The following COP1 variants were observed in gnomAD, a reference collection of about 807,000 sequenced individuals.
The protein encoded by COP1 is COP1 E3 ubiquitin ligase, also known as E3 ubiquitin-protein ligase COP1.
In COP1, 24 loss-of-function variants were observed where a neutral mutation model predicts 101.3. That is an observed-to-expected ratio of 0.24 (90% CI 0.17 to 0.33). The LOEUF is 0.33. Among genes scored for constraint, COP1 ranks in the 10% least tolerant of loss-of-function variants. COP1 has a pLI of 1.00. For synonymous variants in COP1, 347 were observed against 341.9 expected (o/e 1.01, Z -0.17); for missense variants, 663 against 906.2 (o/e 0.73, Z 3.45).
chr1:176,131,504 G>T lies in COP1; in HGVS notation c.968+3506C>A, dbSNP rs555679469. Among the ~76,000 whole-genome samples the T allele has an allele frequency of 9.9e-5, 15 of 151,790 alleles. No homozygotes were observed. The South Asian group carries it at 3.1e-3, about 31-fold the overall frequency. ...ATTCAGTGACCTGACATATAATAAAGATATTCATTATAGAAAACTAACAAA... is the reference window on the plus strand; with the variant it reads ...ATTCAGTGACCTGACATATAATAAATATATTCATTATAGAAAACTAACAAA... On this transcript the variant is annotated intron_variant, in intron 8 of 19. Transcript: ENST00000367669.
chr1:176,130,466 T>TA lies in COP1; in HGVS notation c.968+4543dup, dbSNP rs554103076. On this transcript the variant is annotated intron_variant, in intron 8 of 19. Coordinates refer to ENST00000367669, the MANE Select transcript of COP1 (RefSeq NM_022457.7). ...TTCTTCCTTAGAATTTAAAACAGAT[T>TA]AAAAAGGTTCTAAGTATAGCAGTCA... 2.6e-3 allele frequency among the ~76,000 whole-genome samples: 397 copies of TA among 151,878 alleles called. 3 individuals are homozygous for TA. Among genetic ancestry groups the TA allele is most frequent in the African/African-American group, 9.1e-3 (379 of 41,518 alleles).
chr1:176,133,645 G>C lies in COP1; in HGVS notation c.968+1365C>G, dbSNP rs545435918. 3.3e-5 allele frequency among the ~76,000 whole-genome samples: 5 copies of C among 151,930 alleles called. No individual in the cohort carries two copies. The South Asian group carries it at 6.2e-4, about 19-fold the overall frequency. Reference sequence around the variant, plus strand: ...GCACATCAGAGGCATTCAATAAATAGAGCAATTAAGTAAATGCACCGTACT... The same window carrying C: ...GCACATCAGAGGCATTCAATAAATACAGCAATTAAGTAAATGCACCGTACT... On this transcript the variant is annotated intron_variant, in intron 8 of 19. Coordinates refer to ENST00000367669, the MANE Select transcript of COP1 (RefSeq NM_022457.7).
At chr1:176,052,174 G>C (rs1443982143) in intron 11 of COP1, among the ~76,000 whole-genome samples, 2 of 152,000 alleles carry the variant, frequency 1.3e-5, no homozygotes, top group East Asian at 3.8e-4. Flanking sequence ...CCTACATTTA[G>C]ATACACAAAT....
intron 11 of COP1, among the ~76,000 whole-genome samples, chr1:176,061,302 G>A (rs1674792772): frequency 1.3e-5 from 2 of 152,210 alleles, no homozygotes; most frequent in Non-Finnish European, 2.9e-5. Flanking sequence ...ATGATGCTAG[G>A]AACAAGTGGG....
chr1:175,980,554 C>G (rs1199480045), intron 18 of COP1, among the ~76,000 whole-genome samples: 1 of 152,094 alleles, frequency 6.6e-6, no homozygotes, highest in Admixed American at 6.6e-5. Flanking sequence ...CACTTGGTTT[C>G]AGAGAGGGGA....
chr1:176,153,784 G>A (rs896337631), intron 5 of COP1, among the ~76,000 whole-genome samples: 1 of 152,166 alleles, frequency 6.6e-6, no homozygotes, highest in African/African-American at 2.4e-5. Flanking sequence ...TTTATTGAGA[G>A]TTTTTAATAT....
chr1:176,123,143 C>T (rs1407688858), intron 8 of COP1, among the ~76,000 whole-genome samples: 1 of 152,080 alleles, frequency 6.6e-6, no homozygotes, highest in African/African-American at 2.4e-5. Flanking sequence ...ATAGTTGATA[C>T]AATCCATCAG....
chr1:175,976,574 G>A (rs532687362), intron 18 of COP1, among the ~76,000 whole-genome samples: 27 of 151,958 alleles, frequency 1.8e-4, no homozygotes, highest in Non-Finnish European at 2.8e-4. Context: ...CACTGTGCCC[G>A]GCCTCATTTA....
At chr1:175,971,546 A>C (rs1374655953) in intron 18 of COP1, among the ~76,000 whole-genome samples, 1 of 151,528 alleles carries the variant, frequency 6.6e-6, no homozygotes, top group Non-Finnish European at 1.5e-5. Flanking sequence ...TGGGAAGAAA[A>C]TGCCAAAGTG....
At chr1:176,030,920 G>A (rs1462267274) in intron 14 of COP1, among the ~76,000 whole-genome samples, 1 of 152,114 alleles carries the variant, frequency 6.6e-6, no homozygotes, top group African/African-American at 2.4e-5. Context: ...TCCATTGACT[G>A]GTGTCTTCAT....
intron 15 of COP1, among the ~76,000 whole-genome samples, chr1:176,005,489 A>G (rs1454360800): frequency 6.6e-6 from 1 of 152,050 alleles, no homozygotes; most frequent in African/African-American, 2.4e-5. Context: ...GTGGGCATTT[A>G]GTGCTATAAA....
intron 1 of COP1, among the ~76,000 whole-genome samples, chr1:176,193,872 G>A (rs1291161579): frequency 6.6e-6 from 1 of 152,188 alleles, no homozygotes; most frequent in African/African-American, 2.4e-5. Context: ...AGACAGTGGT[G>A]ATGGTTGTGA....
At chr1:176,095,214 T>TTAAATACATTTAAATGTATTAA (rs1682107768) in intron 9 of COP1, among the ~76,000 whole-genome samples, 1 of 152,178 alleles carries the variant, frequency 6.6e-6, no homozygotes, top group Non-Finnish European at 1.5e-5. Context: ...ATTAAACCCA[T>TTAAATACATTTAAATGTATTAA]ACACACATTT....
At chr1:176,172,765 C>T (rs963115987) in intron 3 of COP1, among the ~76,000 whole-genome samples, 6 of 152,160 alleles carry the variant, frequency 3.9e-5, no homozygotes, top group Non-Finnish European at 8.8e-5. Context: ...AAGTGATATT[C>T]CACTTTCAGG....
At chr1:176,146,567 CCT>C (rs1691615493) in intron 6 of COP1, among the ~76,000 whole-genome samples, 1 of 152,206 alleles carries the variant, frequency 6.6e-6, no homozygotes, top group African/African-American at 2.4e-5. Flanking sequence ...TGGAGAAGCC[CCT>C]GTGACAAAAA....
intron 9 of COP1, among the ~76,000 whole-genome samples, chr1:176,106,037 TTTTG>T (rs200684887): frequency 0.067 from 10,188 of 152,170 alleles, 412 homozygotes; most frequent in Middle Eastern, 0.12. Flanking sequence ...TTTTGTTTTG[TTTTG>T]TTTTTTTGAG....
At position 176,006,579 on chromosome 1, in the gene COP1, A is replaced by G. The variant is rs529355719; in HGVS notation, c.1730-17100T>C. On this transcript the variant is annotated intron_variant, in intron 15 of 19. Coordinates refer to ENST00000367669, the MANE Select transcript of COP1 (RefSeq NM_022457.7). ...AATCCCTCAGCATTTGCTGGTCTGT[A>G]AAGTATTTTATTTCTCCTTTGCTTA... is the stretch of plus-strand genomic sequence containing the variant. 4.6e-5 allele frequency among the ~76,000 whole-genome samples: 7 copies of G among 152,262 alleles called. No homozygotes were observed. The East Asian group carries it at 9.6e-4, about 21-fold the overall frequency.
chr1:176,205,465 ACAC>A (rs1263134800), intron 1 of COP1, among the ~76,000 whole-genome samples: 2 of 152,230 alleles, frequency 1.3e-5, no homozygotes, highest in Non-Finnish European at 2.9e-5. Flanking sequence ...TTATTTAATA[ACAC>A]CAACTCAGAC....
rs989823943 is a variant in COP1, at chr1:176,206,893, G to A, written c.86C>T (p.Ser29Leu). 1.4e-6 allele frequency: 2 copies of A among 1,465,318 alleles called. No individual in the cohort carries two copies. Among genetic ancestry groups the A allele is most frequent in the African/African-American group, 1.5e-5 (1 of 68,280 alleles). 90.8% of individuals were successfully genotyped at this position (1,465,318 alleles called of 1,614,324 possible). A position where few individuals can be genotyped will look rare whatever the true frequency, so the allele number is the denominator to read the frequency against. Residue 29 changes from serine (S) to leucine (L), a missense_variant, in exon 1 of 20, where the codon TCG becomes TTG. Around this residue, in one of 4 missense-constraint regions of COP1, gnomAD observed 204 missense variants for 203.6 expected, o/e 1.00. Transcript: ENST00000367669. ...SAASSVTSAS[S>L]SLSSSPSPPS... ...CGGCGACGGGGAAGAGGATAAAGAC[G>A]AGGAGGCGGAAGTCACCGAGGAGGC... is the stretch of plus-strand genomic sequence containing the variant.
Sources: allele counts gnomAD v4.1 joint callset (sites outside exome capture counted in the v4.1 genomes callset), GRCh38; gene constraint gnomAD v4.1.1; regional missense constraint gnomAD v4.1.1; transcripts MANE v1.5; gene names NCBI Gene and HGNC (gene_info 2026-07-23, HGNC 2026-07-21).